The following ATG2B variants were observed in gnomAD, a reference collection of about 807,000 sequenced individuals.
The protein encoded by ATG2B is autophagy-related protein 2 homolog B.
Under a neutral mutation model 241.3 loss-of-function variants are expected in ATG2B, and 121 were observed. That is an observed-to-expected ratio of 0.50 (90% CI 0.43 to 0.58). The LOEUF is 0.58. Ranked by LOEUF, ATG2B falls within the 20% of genes least tolerant of loss-of-function variation. ATG2B has a pLI of 0.00. For synonymous variants in ATG2B, 858 were observed against 876.6 expected, an observed-to-expected ratio of 0.98 and a Z score of 0.37; for missense variants, 2,306 against 2,491.6, an observed-to-expected ratio of 0.93 and a Z score of 1.59.
chr14:96,335,940 A>G (rs755634060), intron 6 of ATG2B, among the ~76,000 whole-genome samples: 10 of 152,196 alleles, frequency 6.6e-5, no homozygotes, highest in Non-Finnish European at 1.3e-4. Flanking sequence ...AAAAGAACAA[A>G]GTACTTACTA....
Position 96,285,506 on chromosome 14 carries a change from C to A in ATG2B, c.*249G>T, listed in dbSNP as rs1185217638. On this transcript the variant is annotated 3_prime_UTR_variant, in exon 42 of 42. Coordinates refer to ENST00000359933, the MANE Select transcript of ATG2B (RefSeq NM_018036.7). The surrounding 1 kb of genome is among the most constrained non-coding windows in gnomAD (Gnocchi z 4.2). ...CATCTTAACAAAAGTGAGCCTTCCACTAACTTGGCAGCAAATGCTTTAAGG... is the reference window on the plus strand; with the variant it reads ...CATCTTAACAAAAGTGAGCCTTCCAATAACTTGGCAGCAAATGCTTTAAGG... 12 of 509,194 alleles carry A rather than the reference C, an allele frequency of 2.4e-5. No individual in the cohort carries two copies. Among genetic ancestry groups the A allele is most frequent in the South Asian group, 1.2e-4 (5 of 41,384 alleles). 31.5% of individuals were successfully genotyped at this position (509,194 alleles called of 1,614,324 possible).
chr14:96,316,502 G>C lies in ATG2B; in HGVS notation c.3361+31C>G, dbSNP rs149072287. The C allele has an allele frequency of 1.8e-5, 28 of 1,596,544 alleles. No homozygotes were observed. The African/African-American group carries it at 3.5e-4, about 20-fold the overall frequency. On this transcript the variant is annotated intron_variant, in intron 21 of 41. Coordinates refer to ENST00000359933, the MANE Select transcript of ATG2B (RefSeq NM_018036.7). ...AACAAGAAATTTAAACATGTCTAAA[G>C]AGAAGAAACCAAGACACGTGTTTGT...
intron 36 of ATG2B, among the ~76,000 whole-genome samples, chr14:96,292,786 T>C (rs1020561505): frequency 2.0e-5 from 3 of 152,242 alleles, no homozygotes; most frequent in African/African-American, 7.2e-5. Context: ...ATTATAATTA[T>C]ACAGTTGTCC....
At position 96,290,320 on chromosome 14, in the gene ATG2B, T is replaced by C; in HGVS notation, c.5856+116A>G. On this transcript the variant is annotated intron_variant, in intron 40 of 41. Transcript: ENST00000359933. This position sits in a 1 kb window ranked among gnomAD's most constrained non-coding sequence, Gnocchi z 4.4. The stretch of plus-strand genomic sequence containing the variant: ...AAGCATGACATTAAATCACTACGAA[T>C]AAAGTATCTACTCACAACATTTTGT... 7.3e-7 allele frequency: 1 copy of C among 1,364,072 alleles called. No individual in the cohort carries two copies. The highest frequency in any genetic ancestry group is 1.5e-5 in the South Asian group (1 of 66,616). 84.5% of individuals were successfully genotyped at this position (1,364,072 alleles called of 1,614,324 possible).
chr14:96,347,518 G>A (rs1205728762), intron 1 of ATG2B, among the ~76,000 whole-genome samples, 177 bp from the exon 2 acceptor site: 1 of 152,126 alleles, frequency 6.6e-6, no homozygotes, highest in African/African-American at 2.4e-5. Flanking sequence ...GCACAGCAAA[G>A]GACACAATTA....
chr14:96,347,408 A>G, intron 1 of ATG2B, 67 bp from the exon 2 acceptor site: 1 of 1,319,502 alleles, frequency 7.6e-7, no homozygotes, highest in Non-Finnish European at 1.0e-6. Context: ...AACTTATTCA[A>G]AGGTGTCAAA....
rs555498833 is a variant in ATG2B at position 96,315,069 on chromosome 14, T to A, written c.3642+85A>T. On this transcript the variant is annotated intron_variant, in intron 23 of 41. Coordinates refer to ENST00000359933, the MANE Select transcript of ATG2B (RefSeq NM_018036.7). ...ATGATAATTCACTGAGCTGAACATT[T>A]ATGACTTACAAACTTTTCAGTATGT... 5.1e-4 allele frequency: 477 copies of A among 930,650 alleles called. 2 individuals carry two copies. The African/African-American group carries it at 7.3e-3, about 14-fold the overall frequency. The allele number at this position is 930,650 out of a possible 1,614,324, so 57.6% of individuals were successfully genotyped here.
rs1886491368 is a variant in ATG2B, at chr14:96,291,780, T to C, written c.5497-98A>G. 1.5e-5 allele frequency: 13 copies of C among 870,892 alleles called. 1 individual carries two copies. The South Asian group carries it at 2.2e-4, about 15-fold the overall frequency. The allele number at this position is 870,892 out of a possible 1,614,324, so 53.9% of individuals were successfully genotyped here. ...TTGAAAGTCAAAGCAGTAGTCATTA[T>C]TGATACTAAAACACTTAAAATATTT... On this transcript the variant is annotated intron_variant, in intron 37 of 41. Coordinates refer to ENST00000359933, the MANE Select transcript of ATG2B (RefSeq NM_018036.7).
rs935815951 is a variant in ATG2B, at chr14:96,328,610, A to G, written c.1974+64T>C. 1.5e-5 allele frequency: 23 copies of G among 1,553,990 alleles called. No individual in the cohort carries two copies. In the East Asian group the frequency reaches 5.2e-4, roughly 35 times the overall value. On this transcript the variant is annotated intron_variant, in intron 13 of 41. Coordinates refer to ENST00000359933, the MANE Select transcript of ATG2B (RefSeq NM_018036.7). ...TATATAATTGGGTTAAAACCTTATA[A>G]TTGTGACAAAATATATATCAGATTA...
chr14:96,328,217 A>T, intron 14 of ATG2B, 130 bp downstream of exon 14: 1 of 601,878 alleles, frequency 1.7e-6, no homozygotes, highest in Non-Finnish European at 2.6e-6. Context: ...TCCTTTTTTT[A>T]TTATTACAAA....
At chr14:96,345,489 AG>A in intron 2 of ATG2B, 104 bp from the exon 3 acceptor site, 5 of 912,174 alleles carry the variant, frequency 5.5e-6, no homozygotes, top group Non-Finnish European at 6.1e-6. Flanking sequence ...ATCTTTTAAG[AG>A]ATTTTTAACA....
chr14:96,300,386 C>T (rs1672631187), intron 34 of ATG2B, among the ~76,000 whole-genome samples: 1 of 152,032 alleles, frequency 6.6e-6, no homozygotes, highest in Admixed American at 6.6e-5. Flanking sequence ...ATTAGCTGGA[C>T]ATGGTGGTAT....
Position 96,331,502 on chromosome 14 carries a change from G to A in ATG2B, c.1604C>T (p.Pro535Leu). ...GAAAGCTACTGCCATAGGTGTCAATGGATTAAGGTTCTGTGACGTTTCAGG... is the reference window on the plus strand; with the variant it reads ...GAAAGCTACTGCCATAGGTGTCAATAGATTAAGGTTCTGTGACGTTTCAGG... Reference protein sequence around the residue: ...SPPETSQNLNPLTPMAVAFFT... With the variant: ...SPPETSQNLNLLTPMAVAFFT... The change falls in exon 11 of 42, where the codon CCA (proline) becomes CTA (leucine). Residue 535 changes from proline (P) to leucine (L), a missense_variant. This residue lies in a region of ATG2B where 1,927 missense variants were observed against 2,011.2 expected (regional missense o/e 0.96). Coordinates refer to ENST00000359933, the MANE Select transcript of ATG2B (RefSeq NM_018036.7). 6.2e-7 allele frequency: 1 copy of A among 1,614,050 alleles called. No individual in the cohort carries two copies. Among genetic ancestry groups the A allele is most frequent in the Middle Eastern group, 1.7e-4 (1 of 6,058 alleles).
At chr14:96,324,301 A>G (rs1887534537) in intron 15 of ATG2B, 1 of 256,410 alleles carries the variant, frequency 3.9e-6, no homozygotes, top group African/African-American at 2.3e-5. Flanking sequence ...ATTTCTTCAT[A>G]AAGTCTATAT....
At position 96,308,278 on chromosome 14, in the gene ATG2B, ATATATTTT is replaced by A. The variant is rs1887052775; in HGVS notation, c.4303+1167_4303+1174del. 3.6e-4 allele frequency among the ~76,000 whole-genome samples: 10 copies of A among 27,712 alleles called. 1 individual carries two copies. The highest frequency in any genetic ancestry group is 1.0e-3 in the South Asian group (1 of 964). 18.2% of individuals were successfully genotyped at this position (27,712 alleles called of 152,430 possible). ...CACACATATATATATATATATATAT[ATATATTTT>A]TTTTTTTTTTTTTTTTGAGACAGAA... On this transcript the variant is annotated intron_variant, in intron 29 of 41. Coordinates refer to ENST00000359933, the MANE Select transcript of ATG2B (RefSeq NM_018036.7).
At chr14:96,339,554 A>G (rs1290665151) in intron 6 of ATG2B, among the ~76,000 whole-genome samples, 1 of 152,040 alleles carries the variant, frequency 6.6e-6, no homozygotes, top group Non-Finnish European at 1.5e-5. Context: ...AAAAAGGAAC[A>G]AAATAATGTC....
intron 21 of ATG2B, 72 bp from the exon 22 acceptor site, chr14:96,315,655 T>G: frequency 3.2e-6 from 4 of 1,245,612 alleles, no homozygotes; most frequent in Non-Finnish European, 3.4e-6. Flanking sequence ...CTTACATGAC[T>G]CAAAACAAAA....
rs540912955 is a variant in ATG2B, at chr14:96,347,303, T to C, written c.201A>G (p.Leu67=). Residue 67 remains leucine (L), a synonymous_variant, in exon 2 of 42, where the codon TTA becomes TTG. Transcript: ENST00000359933. ...NEILESADAP[L]EVTEGFIQSI... is the part of the protein sequence containing the mutation. ...ACTGAATGAATCCTTCAGTGACTTC[T>C]AAGGGTGCATCTGCTGACTCCAAGA... 8 of 1,604,858 alleles carry C rather than the reference T, an allele frequency of 5.0e-6. No homozygotes were observed. The Admixed American group carries it at 5.0e-5, about 10-fold the overall frequency.
chr14:96,299,237 C>T (rs1182005197), intron 34 of ATG2B, among the ~76,000 whole-genome samples: 1 of 152,130 alleles, frequency 6.6e-6, no homozygotes, highest in Admixed American at 6.5e-5. Context: ...CCTAGCTCCA[C>T]TGCACTCCTT....
Sources: allele counts gnomAD v4.1 joint callset (sites outside exome capture counted in the v4.1 genomes callset), GRCh38; gene constraint gnomAD v4.1.1; regional missense constraint gnomAD v4.1.1; non-coding constraint Gnocchi (gnomAD v3.1); transcripts MANE v1.5; gene names NCBI Gene and HGNC (gene_info 2026-07-23, HGNC 2026-07-21).